RELN: variants seen among roughly 807,000 people sequenced by gnomAD.
RELN encodes the protein reelin.
In RELN, 108 loss-of-function variants were observed where a neutral mutation model predicts 427.6. The ratio of observed to expected loss-of-function variants is 0.25; its 90% CI spans 0.22 to 0.30. The LOEUF is 0.30. Among genes scored for constraint, RELN ranks in the 10% least tolerant of loss-of-function variants. The pLI, the probability that RELN is intolerant of heterozygous loss-of-function variation, is 1.00. For missense variants in RELN, 3,715 were observed against 4,302.8 expected (o/e 0.86, Z 3.82); for synonymous variants, 1,524 against 1,513.4 (o/e 1.01, Z -0.16).
At chr7:103,960,840 A>G (rs1023955814) in intron 1 of RELN, among the ~76,000 whole-genome samples, 1 of 152,228 alleles carries the variant, frequency 6.6e-6, no homozygotes, top group African/African-American at 2.4e-5. Flanking sequence ...TCAACTAGAA[A>G]TGGCAAAGCC....
chr7:103,693,401 G>C (rs1337571055), intron 10 of RELN, among the ~76,000 whole-genome samples: 1 of 151,890 alleles, frequency 6.6e-6, no homozygotes, highest in Non-Finnish European at 1.5e-5. Flanking sequence ...TGCATGTGGG[G>C]CTTAGAAGCT....
chr7:103,831,011 T>A (rs1243433954), intron 3 of RELN, among the ~76,000 whole-genome samples: 1 of 152,134 alleles, frequency 6.6e-6, no homozygotes, highest in African/African-American at 2.4e-5. Flanking sequence ...TGTTTGAATC[T>A]AAGACTTAAA....
intron 60 of RELN, among the ~76,000 whole-genome samples, chr7:103,488,011 G>A (rs931057054): frequency 6.6e-6 from 1 of 152,104 alleles, no homozygotes; most frequent in Non-Finnish European, 1.5e-5. Flanking sequence ...AGCTGGGCAT[G>A]GTGGCATGTG....
intron 6 of RELN, among the ~76,000 whole-genome samples, chr7:103,743,624 A>G (rs369626947): frequency 2.0e-5 from 3 of 152,146 alleles, no homozygotes; most frequent in African/African-American, 7.2e-5. Context: ...TAGTCTCAGA[A>G]AAAACAGACT....
At position 103,561,958 on chromosome 7, in the gene RELN, CCAA is replaced by C; in HGVS notation, c.5211-8_5211-6del. On this transcript the variant is annotated splice_region_variant and splice_polypyrimidine_tract_variant and intron_variant, in intron 34 of 64. Transcript: ENST00000428762. ...CTGAACCGGGTCCTGGGAGAACTAA[CCAA>C]AAAAAAAAAAAAAAAAACACACCAC... 1.1e-5 allele frequency: 11 copies of C among 1,018,348 alleles called. No homozygotes were observed. The highest frequency in any genetic ancestry group is 7.4e-5 in the African/African-American group (3 of 40,638). 63.1% of individuals were successfully genotyped at this position (1,018,348 alleles called of 1,614,324 possible).
At chr7:103,498,926 A>C (rs1235027790) in intron 53 of RELN, among the ~76,000 whole-genome samples, 3 of 152,226 alleles carry the variant, frequency 2.0e-5, no homozygotes, top group African/African-American at 7.2e-5. Context: ...GCCAAAAGGA[A>C]TTTGAAAGCA....
intron 3 of RELN, among the ~76,000 whole-genome samples, chr7:103,785,417 C>T (rs1428099065): frequency 1.3e-5 from 2 of 152,036 alleles, no homozygotes; most frequent in Non-Finnish European, 2.9e-5. Flanking sequence ...TGTAAATTTG[C>T]TGAAAGATGT....
chr7:103,478,534 A>G (rs1562838134), intron 63 of RELN, 140 bp from the exon 64 acceptor site: 1 of 675,664 alleles, frequency 1.5e-6, no homozygotes, highest in Admixed American at 2.2e-5. Context: ...TCTTTTGAAA[A>G]TAAAAATTAA....
At chr7:103,696,065 A>G (rs930047037) in intron 10 of RELN, among the ~76,000 whole-genome samples, 1 of 152,098 alleles carries the variant, frequency 6.6e-6, no homozygotes. Context: ...ATAATTTGTA[A>G]TAGTTTTTCT....
intron 19 of RELN, among the ~76,000 whole-genome samples, chr7:103,635,005 C>T (rs943943073): frequency 2.0e-5 from 3 of 151,828 alleles, no homozygotes; most frequent in Non-Finnish European, 2.9e-5. Flanking sequence ...ACTACAGGTG[C>T]GCACCACCAC....
Position 103,566,639 on chromosome 7 carries a change from G to T in RELN, c.4709C>A (p.Thr1570Lys). 1 of 1,614,182 alleles carries T rather than the reference G, an allele frequency of 6.2e-7. No individual in the cohort carries two copies. The change falls in exon 32 of 65, where the codon ACA (threonine) becomes AAA (lysine). Residue 1570 changes from threonine to lysine, a missense_variant. Thr to Lys is a moderately conservative substitution (Grantham distance 78). Transcript: ENST00000428762. ...ISIDLPQDAK[T>K]PATAFRWWQP... Reference sequence around the variant, plus strand: ...CCACCATCGAAATGCCGTTGCAGGTGTCTTCGCGTCCTGTGGCAGGTCAAT... The same window carrying T: ...CCACCATCGAAATGCCGTTGCAGGTTTCTTCGCGTCCTGTGGCAGGTCAAT...
In RELN at chr7:103,639,882, T is replaced by C. The variant is rs555593043; in HGVS notation, c.2069+661A>G. ...GGTTTTGGGAATTCCCAGAATATTT[T>C]ATAATTAAATATTAATGTAAGAATG... On this transcript the variant is annotated intron_variant, in intron 17 of 64. Coordinates refer to ENST00000428762, the MANE Select transcript of RELN (RefSeq NM_005045.4). 2.5e-4 allele frequency among the ~76,000 whole-genome samples: 38 copies of C among 152,318 alleles called. 1 individual carries two copies. Among genetic ancestry groups the C allele is most frequent in the South Asian group, 8.3e-4 (4 of 4,828 alleles).
chr7:103,560,645 G>A (rs1223829720), intron 36 of RELN, among the ~76,000 whole-genome samples: 1 of 152,074 alleles, frequency 6.6e-6, no homozygotes, highest in Non-Finnish European at 1.5e-5. Context: ...AACAAATCCC[G>A]CTGCCCCCAA....
chr7:103,970,971 C>A (rs534062683), intron 1 of RELN, among the ~76,000 whole-genome samples: 24 of 152,080 alleles, frequency 1.6e-4, no homozygotes, highest in Admixed American at 5.2e-4. Flanking sequence ...GCCTGGCCAG[C>A]GTGGCAAAAC....
chr7:103,532,097 A>C (rs1224304336), intron 46 of RELN, among the ~76,000 whole-genome samples: 1 of 151,348 alleles, frequency 6.6e-6, no homozygotes, highest in Admixed American at 6.6e-5. Flanking sequence ...ACACCATGGA[A>C]TACTATGCAG....
At chr7:103,599,594 T>C (rs987700380) in intron 24 of RELN, among the ~76,000 whole-genome samples, 1 of 152,196 alleles carries the variant, frequency 6.6e-6, no homozygotes, top group African/African-American at 2.4e-5. Context: ...ATGATCTTTA[T>C]ATGTAAAAAT....
At chr7:103,913,611 C>G (rs987803072) in intron 2 of RELN, among the ~76,000 whole-genome samples, 1 of 152,110 alleles carries the variant, frequency 6.6e-6, no homozygotes, top group South Asian at 2.1e-4. Context: ...CTTTCCTACC[C>G]TAATCAAATT....
chr7:103,886,945 T>C (rs1439670844), intron 2 of RELN, among the ~76,000 whole-genome samples: 1 of 152,170 alleles, frequency 6.6e-6, no homozygotes. Flanking sequence ...CAGGATAATA[T>C]ACAAATAAAA....
In RELN at chr7:103,503,065, T is replaced by C. The variant is rs2117039456; in HGVS notation, c.8440A>G (p.Lys2814Glu). The C allele has an allele frequency of 6.2e-7, 1 of 1,614,192 alleles. No individual in the cohort carries two copies. The highest frequency in any genetic ancestry group is 8.5e-7 in the Non-Finnish European group (1 of 1,180,032). The change falls in exon 52 of 65, where the codon AAA becomes GAA. Residue 2814 changes from lysine to glutamate, a missense_variant. Lys to Glu is a moderately conservative substitution (Grantham distance 56). Around this residue, in one of 4 missense-constraint regions of RELN, gnomAD observed 1,310 missense variants for 1,643.0 expected, o/e 0.80. Coordinates refer to ENST00000428762, the MANE Select transcript of RELN (RefSeq NM_005045.4). The stretch of plus-strand genomic sequence containing the variant: ...GGGTAGGTGATCCTTTTCCACCCTT[T>C]AGTTGGAAAGAATACAGATGGCTGA... The part of the protein sequence containing the change: ...VSQPSVFFPT[K>E]GWKRITYPLP...
Sources: gnomAD v4.1 joint callset for allele counts (sites outside exome capture counted in the v4.1 genomes callset) on GRCh38, gnomAD v4.1.1 for gene constraint, gnomAD v4.1.1 regional missense constraint, MANE v1.5 for transcripts, NCBI Gene and HGNC (gene_info 2026-07-23, HGNC 2026-07-21) for gene names.